PDE1C: variants seen among roughly 807,000 people sequenced by gnomAD.
PDE1C encodes phosphodiesterase 1C.
A neutral mutation model predicts 93.1 loss-of-function variants in PDE1C; 62 were observed. The ratio of observed to expected loss-of-function variants is 0.67; its 90% confidence interval spans 0.54 to 0.82. The LOEUF (loss-of-function observed/expected upper bound fraction) is 0.82, where lower values mean the gene tolerates loss of function less well. Ranked by LOEUF, PDE1C falls within the 40% of genes least tolerant of loss-of-function variation. The pLI is 0.00. For missense variants in PDE1C, 742 were observed against 884.6 expected (o/e 0.84, Z 2.04); for synonymous variants, 325 against 310.1 (o/e 1.05, Z -0.50).
chr7:31,732,964 G>C, the PDE1C span, among the ~76,000 whole-genome samples: 2 of 152,168 alleles, frequency 1.3e-5, no homozygotes, highest in Non-Finnish European at 2.9e-5. Flanking sequence ...GAAAATGTCA[G>C]GCTGTGAGCT....
the PDE1C span, among the ~76,000 whole-genome samples, chr7:31,637,121 TAATC>T: frequency 1.3e-5 from 2 of 152,154 alleles, no homozygotes; most frequent in Admixed American, 1.3e-4. Context: ...CACATTTTCT[TAATC>T]CAGTCTATCG....
the PDE1C span, among the ~76,000 whole-genome samples, chr7:31,666,255 G>C: frequency 6.6e-6 from 1 of 152,098 alleles, no homozygotes; most frequent in Non-Finnish European, 1.5e-5. Flanking sequence ...AACTGAAAAA[G>C]TTAAGGTATA....
the PDE1C span, among the ~76,000 whole-genome samples, chr7:31,622,245 C>G: frequency 6.7e-6 from 1 of 148,682 alleles, no homozygotes; most frequent in Admixed American, 6.8e-5. Flanking sequence ...CAGCTCTGCA[C>G]CAAGCGGACC....
In PDE1C at chr7:32,185,247, G is replaced by GAA. The variant is rs60570476; in HGVS notation, c.137-15293_137-15292dup. On this transcript the variant is annotated intron_variant, in intron 2 of 18. Transcript: ENST00000396193. ...GCAACAAGAGCAAAACTCTGTCTCA[G>GAA]AAAAAAAAAAAAAAAAAAAAAAAAT... 2.5e-3 allele frequency among the ~76,000 whole-genome samples: 251 copies of GAA among 101,510 alleles called. 2 individuals carry two copies. Among genetic ancestry groups the GAA allele is most frequent in the Non-Finnish European group, 4.2e-3 (206 of 48,498 alleles). The allele number at this position is 101,510 out of a possible 152,430, so 66.6% of individuals were successfully genotyped here. A position where few individuals can be genotyped will look rare whatever the true frequency, so the allele number is the denominator to read the frequency against.
the PDE1C span, among the ~76,000 whole-genome samples, chr7:31,689,639 AGAGT>A: frequency 1.3e-5 from 2 of 152,268 alleles, no homozygotes; most frequent in African/African-American, 4.8e-5. Flanking sequence ...ATAGAAATGG[AGAGT>A]GAGTTGAGAG....
intron 1 of PDE1C, among the ~76,000 whole-genome samples, chr7:32,288,568 G>C (rs1812146716): frequency 6.6e-6 from 1 of 152,154 alleles, no homozygotes; most frequent in Admixed American, 6.5e-5. Flanking sequence ...AGATGGTTGG[G>C]ATCTAGTCTG....
chr7:31,883,825 G>A (rs1797550728), intron 2 of PDE1C, among the ~76,000 whole-genome samples: 1 of 152,210 alleles, frequency 6.6e-6, no homozygotes, highest in African/African-American at 2.4e-5. Context: ...CCCAGGCTTT[G>A]TGCCACAATT....
chr7:32,238,252 C>T lies in PDE1C; in HGVS notation c.86-28713G>A, dbSNP rs2128867565. ...TTTCAAATGACATCTTCTACAATGG[C>T]AATACGAATTTATAAAGTGCCAAGG... On this transcript the variant is annotated intron_variant, in intron 1 of 18. Transcript: ENST00000396193. Among the ~76,000 whole-genome samples the T allele has an allele frequency of 2.0e-5, 3 of 152,188 alleles. No homozygotes were observed. In the Middle Eastern group the frequency reaches 0.01, roughly 518 times the overall value.
chr7:31,940,083 C>G lies in PDE1C; in HGVS notation c.129-59223G>C, dbSNP rs138528243. Among the ~76,000 whole-genome samples the G allele has an allele frequency of 2.9e-3, 440 of 152,316 alleles. 1 individual carries two copies. The highest frequency in any genetic ancestry group is 5.3e-3 in the Non-Finnish European group (358 of 68,020). ...GAAGTTTTTAGAAATCGCAAATGCT[C>G]AAGCCCCACCTGGAGAGACTGATTC... On this transcript the variant is annotated intron_variant, in intron 2 of 17. Transcript: ENST00000396191.
chr7:32,051,858 C>CAT (rs1793426002), intron 1 of PDE1C, among the ~76,000 whole-genome samples: 1 of 152,154 alleles, frequency 6.6e-6, no homozygotes, highest in African/African-American at 2.4e-5. Context: ...GGTTCCATGG[C>CAT]ATTTTAGTTG....
intron 11 of PDE1C, among the ~76,000 whole-genome samples, chr7:31,832,987 T>C (rs184628417): frequency 5.9e-5 from 9 of 152,300 alleles, no homozygotes; most frequent in Non-Finnish European, 4.4e-5. Flanking sequence ...GGCTGTGTTC[T>C]CCCACCCCAA....
upstream of PDE1C, among the ~76,000 whole-genome samples, chr7:32,074,114 A>G (rs1320035997): frequency 6.6e-6 from 1 of 152,224 alleles, no homozygotes; most frequent in Non-Finnish European, 1.5e-5. Flanking sequence ...AACTAAGTCT[A>G]TGGACTAGCC....
chr7:32,115,168 T>C (rs1304598264), intron 3 of PDE1C, among the ~76,000 whole-genome samples: 1 of 152,176 alleles, frequency 6.6e-6, no homozygotes, highest in Non-Finnish European at 1.5e-5. Context: ...CGCCCACGTA[T>C]GTTTATTGCA....
upstream of PDE1C, among the ~76,000 whole-genome samples, chr7:32,300,163 C>T (rs1451093184): frequency 6.6e-6 from 1 of 152,144 alleles, no homozygotes; most frequent in Non-Finnish European, 1.5e-5. Flanking sequence ...CCATTAAAAC[C>T]CCCAAGCCTA....
chr7:32,051,212 T>A (rs1019288802), intron 2 of PDE1C, among the ~76,000 whole-genome samples: 9 of 152,324 alleles, frequency 5.9e-5, no homozygotes, highest in Middle Eastern at 3.4e-3. Flanking sequence ...ACATGTTATA[T>A]AAAGACCGCT....
At chr7:32,048,060 A>G (rs967817811) in intron 2 of PDE1C, among the ~76,000 whole-genome samples, 1 of 152,166 alleles carries the variant, frequency 6.6e-6, no homozygotes, top group African/African-American at 2.4e-5. Flanking sequence ...ATTCAAACAG[A>G]CCATTACTTG....
intron 3 of PDE1C, among the ~76,000 whole-genome samples, chr7:32,078,178 A>C (rs974088941): frequency 6.6e-6 from 1 of 152,194 alleles, no homozygotes; most frequent in Non-Finnish European, 1.5e-5. Context: ...AATATGGAAA[A>C]ACCTCAGAGC....
chr7:32,235,327 G>T (rs1807997495), intron 1 of PDE1C, among the ~76,000 whole-genome samples: 1 of 151,778 alleles, frequency 6.6e-6, no homozygotes, highest in African/African-American at 2.4e-5. Context: ...GAGAGAGATA[G>T]AGAGAGGTCA....
chr7:32,280,039 G>A (rs1811527326), intron 1 of PDE1C, among the ~76,000 whole-genome samples: 2 of 152,156 alleles, frequency 1.3e-5, no homozygotes, highest in African/African-American at 2.4e-5. Flanking sequence ...GTGTGTTCAT[G>A]TGCACACACA....
Sources: gnomAD v4.1 joint callset for allele counts (sites outside exome capture counted in the v4.1 genomes callset) on GRCh38, gnomAD v4.1.1 for gene constraint, MANE v1.5 for transcripts, NCBI Gene and HGNC (gene_info 2026-07-23, HGNC 2026-07-21) for gene names.